Variants in MCCC2 observed in about 807,000 individuals in gnomAD.
MCCC2 encodes the protein methylcrotonyl-CoA carboxylase subunit 2.
A neutral mutation model predicts 77.2 loss-of-function variants in MCCC2; 52 were observed. The ratio of observed to expected loss-of-function variants is 0.67; its 90% CI spans 0.54 to 0.85. The LOEUF (loss-of-function observed/expected upper bound fraction) is 0.85. Ranked by LOEUF, MCCC2 falls within the 40% of genes least tolerant of loss-of-function variation. The pLI, the probability that MCCC2 is intolerant of heterozygous loss-of-function variation, is 0.00. For missense variants in MCCC2, 682 were observed against 703.2 expected (o/e 0.97, Z 0.34); for synonymous variants, 253 against 248.4 (o/e 1.02, Z -0.18).
chr5:71,602,686 T>C, intron 5 of MCCC2, 53 bp downstream of exon 5: 2 of 1,613,294 alleles, frequency 1.2e-6, no homozygotes, highest in Non-Finnish European at 8.5e-7. Flanking sequence ...AAATGCAAGA[T>C]AGTTTGGAAG....
At chr5:71,601,624 G>T (rs157044) in intron 4 of MCCC2, among the ~76,000 whole-genome samples, 58,134 of 152,044 alleles carry the variant, frequency 0.38, 12,002 homozygotes, top group South Asian at 0.47. Context: ...CCCTGTGCTG[G>T]GTGTTCAGTT....
At chr5:71,643,201 G>T (rs1055565432) in intron 11 of MCCC2, among the ~76,000 whole-genome samples, 6 of 152,078 alleles carry the variant, frequency 3.9e-5, no homozygotes, top group African/African-American at 1.4e-4. Flanking sequence ...TGGCAACATA[G>T]CGAAACCCCA....
chr5:71,637,836 C>A (rs375162185), intron 10 of MCCC2, among the ~76,000 whole-genome samples: 1 of 152,144 alleles, frequency 6.6e-6, no homozygotes, highest in Non-Finnish European at 1.5e-5. Flanking sequence ...CTCCTGCCTC[C>A]TGAGTAGCAG....
intron 10 of MCCC2, among the ~76,000 whole-genome samples, chr5:71,640,275 T>C (rs1747083616): frequency 6.6e-6 from 1 of 152,162 alleles, no homozygotes; most frequent in African/African-American, 2.4e-5. Context: ...TTTTTTACTT[T>C]TTTATTTTTC....
intron 6 of MCCC2, among the ~76,000 whole-genome samples, chr5:71,607,043 T>G (rs1281262721): frequency 6.6e-6 from 1 of 151,110 alleles, no homozygotes; most frequent in African/African-American, 2.4e-5. Context: ...TTCTCTTTTT[T>G]GGTTGTGTCT....
chr5:71,599,904 G>A (rs190287592), intron 4 of MCCC2, 144 bp downstream of exon 4: 20 of 738,942 alleles, frequency 2.7e-5, no homozygotes, highest in East Asian at 1.4e-4. Context: ...GGTGGCTCAC[G>A]CCTGTAATCC....
intron 1 of MCCC2, among the ~76,000 whole-genome samples, chr5:71,590,816 CAA>C (rs35575009): frequency 2.3e-5 from 3 of 130,026 alleles, no homozygotes; most frequent in Admixed American, 7.9e-5. Flanking sequence ...GACTCCGTCT[CAA>C]AAAAAAAAAA....
chr5:71,602,425 A>AT, intron 4 of MCCC2, 81 bp from the exon 5 acceptor site: 1 of 1,569,598 alleles, frequency 6.4e-7, no homozygotes, highest in African/African-American at 1.4e-5. Flanking sequence ...TGAAGGTTGT[A>AT]TTGGGGTATC....
At chr5:71,625,571 G>A (rs986355235) in intron 6 of MCCC2, among the ~76,000 whole-genome samples, 1 of 152,178 alleles carries the variant, frequency 6.6e-6, no homozygotes, top group Non-Finnish European at 1.5e-5. Flanking sequence ...GTGTTTCCCT[G>A]TGCTCATAGG....
intron 7 of MCCC2, among the ~76,000 whole-genome samples, chr5:71,631,509 G>A (rs369539220): frequency 1.3e-3 from 192 of 151,382 alleles, no homozygotes; most frequent in African/African-American, 4.1e-3. Flanking sequence ...ATGACATAGG[G>A]AAAGAGGATG....
chr5:71,652,631 C>T (rs889572422), intron 15 of MCCC2, 38 bp from the exon 16 acceptor site: 1 of 1,531,486 alleles, frequency 6.5e-7, no homozygotes, highest in Non-Finnish European at 9.0e-7. Flanking sequence ...GCCAGTTGTT[C>T]ACTGAAGCTG....
chr5:71,640,980 G>C (rs754085618), intron 10 of MCCC2, 23 bp from the exon 11 acceptor site: 30 of 1,601,450 alleles, frequency 1.9e-5, no homozygotes, highest in Non-Finnish European at 2.6e-5. Context: ...ATTTCTCAAG[G>C]CCATTGTTGT....
At chr5:71,631,739 A>G (rs1203132909) in intron 7 of MCCC2, among the ~76,000 whole-genome samples, 1 of 151,514 alleles carries the variant, frequency 6.6e-6, no homozygotes, top group East Asian at 1.9e-4. Context: ...ACGGGGTTTC[A>G]CCTTGTTAGC....
chr5:71,639,601 A>T (rs1291417397), intron 10 of MCCC2, among the ~76,000 whole-genome samples: 1 of 152,150 alleles, frequency 6.6e-6, no homozygotes, highest in East Asian at 1.9e-4. Flanking sequence ...TGCTTTCTCG[A>T]CATTATGGAT....
intron 3 of MCCC2, among the ~76,000 whole-genome samples, chr5:71,598,926 A>T (rs1329968980): frequency 1.1e-4 from 16 of 147,176 alleles, no homozygotes; most frequent in Admixed American, 2.0e-4. Context: ...TGTGTTGAAA[A>T]TTTTTTTTTT....
At position 71,632,166 on chromosome 5, in the gene MCCC2, G is replaced by T; in HGVS notation, c.784G>T (p.Gly262Cys). ...AGAAGTATCTGCTGAGGATCTTGGAGGTGCTGATCTTCATTGCAGGTGAAA... is the reference window on the plus strand; with the variant it reads ...AGAAGTATCTGCTGAGGATCTTGGATGTGCTGATCTTCATTGCAGGTGAAA... ...GEEVSAEDLGGADLHCRKSGV... is the reference protein window; with the variant it reads ...GEEVSAEDLGCADLHCRKSGV... Residue 262 changes from glycine (G) to cysteine (C), a missense_variant, in exon 8 of 17, where the codon GGT becomes TGT. By Grantham distance (159) the Gly-to-Cys change is radical. Coordinates refer to ENST00000340941, the MANE Select transcript of MCCC2 (RefSeq NM_022132.5). The T allele has an allele frequency of 6.2e-7, 1 of 1,614,174 alleles. No homozygotes were observed. The highest frequency in any genetic ancestry group is 8.5e-7 in the Non-Finnish European group (1 of 1,180,018).
Position 71,593,089 on chromosome 5 carries a change from A to AT in MCCC2, c.196+113dup, listed in dbSNP as rs72536613. 0.032 allele frequency: 25,468 copies of AT among 791,130 alleles called. 6 individuals carry two copies. The highest frequency in any genetic ancestry group is 0.036 in the South Asian group (2,050 of 56,366). The allele number at this position is 791,130 out of a possible 1,614,324, so 49.0% of individuals were successfully genotyped here. Reference sequence around the variant, plus strand: ...AAAATACTGGAATTAAGCTTTTGATATTTTTTTTTTTTTTTTGAGATGGAG... The same window carrying AT: ...AAAATACTGGAATTAAGCTTTTGATATTTTTTTTTTTTTTTTTGAGATGGAG... On this transcript the variant is annotated intron_variant, in intron 2 of 16. Transcript: ENST00000340941.
At chr5:71,604,281 C>A in intron 5 of MCCC2, 75 bp from the exon 6 acceptor site, 1 of 1,240,674 alleles carries the variant, frequency 8.1e-7, no homozygotes, top group South Asian at 1.2e-5. Context: ...CTGATGCTGT[C>A]ATTGATACAA....
rs569665091 is a variant in MCCC2, at chr5:71,650,840, G to C, written c.1488+657G>C. 1.1e-4 allele frequency among the ~76,000 whole-genome samples: 16 copies of C among 152,218 alleles called. 1 individual carries two copies. In the South Asian group the frequency reaches 3.3e-3, roughly 32 times the overall value. Reference sequence around the variant, plus strand: ...ATTTTTTTGTATTTTTAGTAGAGATGGGGTTTCACTGTGTTAGCCAGGATG... The same window carrying C: ...ATTTTTTTGTATTTTTAGTAGAGATCGGGTTTCACTGTGTTAGCCAGGATG... On this transcript the variant is annotated intron_variant, in intron 15 of 16. Transcript: ENST00000340941.
Sources: allele counts gnomAD v4.1 joint callset (sites outside exome capture counted in the v4.1 genomes callset), GRCh38; gene constraint gnomAD v4.1.1; transcripts MANE v1.5; gene names NCBI Gene and HGNC (gene_info 2026-07-23, HGNC 2026-07-21).